Variants in CDH23 observed in about 807,000 individuals in gnomAD.
CDH23 encodes the protein cadherin-23.
Under a neutral mutation model 317.1 loss-of-function variants are expected in CDH23, and 189 were observed. The observed-to-expected ratio is 0.60, with a 90% CI of 0.53 to 0.67. The LOEUF (loss-of-function observed/expected upper bound fraction) is 0.67, where lower values mean the gene tolerates loss of function less well. Among genes scored for constraint, CDH23 ranks in the 30% least tolerant of loss-of-function variants. The pLI is 0.00. For missense variants in CDH23, 4,401 were observed against 4,592.4 expected (o/e 0.96, Z 1.20); for synonymous variants, 1,839 against 1,876.8 (o/e 0.98, Z 0.52).
intron 49 of CDH23, 30 bp downstream of exon 49, chr10:71,797,250 G>T (rs1373911118): frequency 1.0e-5 from 15 of 1,497,974 alleles, no homozygotes; most frequent in Non-Finnish European, 1.3e-5. Flanking sequence ...TCTCTCATTG[G>T]TCACTCAGAG....
At chr10:71,557,872 T>G (rs1856945802) in intron 6 of CDH23, among the ~76,000 whole-genome samples, 1 of 152,222 alleles carries the variant, frequency 6.6e-6, no homozygotes, top group Non-Finnish European at 1.5e-5. Context: ...TGCCTCAGTA[T>G]GAGTCTTTCT....
intron 6 of CDH23, among the ~76,000 whole-genome samples, chr10:71,516,135 G>T (rs1854321624): frequency 6.6e-6 from 1 of 152,214 alleles, no homozygotes; most frequent in South Asian, 2.1e-4. Flanking sequence ...GTGGCTAAGT[G>T]GGTGTGTGTC....
At chr10:71,533,794 G>C (rs920091123) in intron 6 of CDH23, among the ~76,000 whole-genome samples, 1 of 152,044 alleles carries the variant, frequency 6.6e-6, no homozygotes, top group Non-Finnish European at 1.5e-5. Context: ...GGTAGATGGG[G>C]TGGCAGAGCA....
intron 9 of CDH23, among the ~76,000 whole-genome samples, chr10:71,591,432 C>A (rs978511480): frequency 2.0e-5 from 3 of 152,088 alleles, no homozygotes; most frequent in Non-Finnish European, 4.4e-5. Context: ...CTCGTGTCCC[C>A]ACTGGACACA....
rs773223258 is a variant in CDH23, at chr10:71,751,772, T to C, written c.4845+9851T>C. 1.2e-5 allele frequency: 20 copies of C among 1,603,760 alleles called. No homozygotes were observed. Among genetic ancestry groups the C allele is most frequent in the East Asian group, 2.2e-5 (1 of 44,670 alleles). The stretch of plus-strand genomic sequence containing the variant: ...CTCAGAAGGCTGCCGCTGGGCCACA[T>C]AGGACAGGGGGTGCCTGACTTTGGC... On this transcript the variant is annotated intron_variant, in intron 38 of 69. Coordinates refer to ENST00000224721, the MANE Select transcript of CDH23 (RefSeq NM_022124.6). The surrounding 1 kb of genome is among the most constrained non-coding windows in gnomAD (Gnocchi z 4.9).
chr10:71,597,907 C>G (rs1859963414), intron 9 of CDH23, among the ~76,000 whole-genome samples: 1 of 152,218 alleles, frequency 6.6e-6, no homozygotes, highest in African/African-American at 2.4e-5. Flanking sequence ...CCGCCCCACC[C>G]CCACCCTCAA....
chr10:71,645,479 C>T (rs1481012269), intron 12 of CDH23, among the ~76,000 whole-genome samples: 3 of 152,218 alleles, frequency 2.0e-5, no homozygotes, highest in South Asian at 2.1e-4. Flanking sequence ...TCCTCTGTCT[C>T]CCCGCTGGGT....
At position 71,507,036 on chromosome 10, in the gene CDH23, GT is replaced by G. The variant is rs148873737; in HGVS notation, c.146-3044del. Among the ~76,000 whole-genome samples the G allele has an allele frequency of 6.7e-3, 1,019 of 152,324 alleles. 11 individuals carry two copies. The highest frequency in any genetic ancestry group is 0.019 in the African/African-American group (794 of 41,576). ...AGAGCCATTTGGGATATTGGGCCCAGTTGTGCAACCTTGGCTGGAAGGCCAG... is the reference window on the plus strand; with the variant it reads ...AGAGCCATTTGGGATATTGGGCCCAGTGTGCAACCTTGGCTGGAAGGCCAG... On this transcript the variant is annotated intron_variant, in intron 3 of 69. Transcript: ENST00000224721.
intron 6 of CDH23, among the ~76,000 whole-genome samples, chr10:71,538,055 G>A (rs1564639976): frequency 6.6e-6 from 1 of 152,088 alleles, no homozygotes; most frequent in Non-Finnish European, 1.5e-5. Context: ...TTTACAGATG[G>A]GAGTCACTGA....
At chr10:71,708,883 G>A (rs540222414) in intron 26 of CDH23, among the ~76,000 whole-genome samples, 24 of 152,326 alleles carry the variant, frequency 1.6e-4, no homozygotes, top group Non-Finnish European at 2.6e-4. Context: ...GAGGTGCTTC[G>A]TGAAGGTTAG....
intron 3 of CDH23, among the ~76,000 whole-genome samples, chr10:71,463,604 C>T (rs991191702): frequency 1.3e-5 from 2 of 152,184 alleles, no homozygotes; most frequent in African/African-American, 2.4e-5. Context: ...TTAGTATTCC[C>T]TTACCTGCCA....
At chr10:71,649,011 C>T (rs1416185048) in intron 14 of CDH23, among the ~76,000 whole-genome samples, 2 of 152,210 alleles carry the variant, frequency 1.3e-5, no homozygotes, top group African/African-American at 2.4e-5. Flanking sequence ...CCTTCATTTT[C>T]TCATCTGCAA....
At chr10:71,737,905 C>A (rs1487671820) in intron 34 of CDH23, 3 of 433,992 alleles carry the variant, frequency 6.9e-6, no homozygotes, top group Admixed American at 2.4e-5. Context: ...ATTCACATGC[C>A]TTCCCCATCT....
intron 1 of CDH23, among the ~76,000 whole-genome samples, chr10:71,404,619 C>G (rs184483213): frequency 6.6e-6 from 1 of 152,364 alleles, no homozygotes; most frequent in Non-Finnish European, 1.5e-5. Flanking sequence ...GCTGGCCAGT[C>G]AAGGGCAGAG....
chr10:71,504,530 G>T (rs1853525694), intron 3 of CDH23, among the ~76,000 whole-genome samples: 1 of 152,184 alleles, frequency 6.6e-6, no homozygotes, highest in Non-Finnish European at 1.5e-5. Context: ...CAGATGCACA[G>T]TGATTAAGTT....
At chr10:71,788,874 C>A in intron 44 of CDH23, 66 bp from the exon 45 acceptor site, 1 of 818,436 alleles carries the variant, frequency 1.2e-6, no homozygotes, top group Non-Finnish European at 2.2e-6. Context: ...CCCAACCCTC[C>A]TCCCACCTAG....
intron 18 of CDH23, among the ~76,000 whole-genome samples, chr10:71,684,465 G>C (rs1031520439): frequency 1.3e-5 from 2 of 152,192 alleles, no homozygotes; most frequent in African/African-American, 4.8e-5. Flanking sequence ...GGAAAGAGGG[G>C]TGTGGCTGTG....
intron 3 of CDH23, among the ~76,000 whole-genome samples, chr10:71,473,073 C>T (rs150448914): frequency 0.018 from 2,752 of 152,238 alleles, 39 homozygotes; most frequent in Non-Finnish European, 0.028. Flanking sequence ...GCCCATCTGC[C>T]GAGTCCTCTC....
chr10:71,470,241 A>G (rs1851444701), intron 3 of CDH23, among the ~76,000 whole-genome samples: 2 of 152,216 alleles, frequency 1.3e-5, no homozygotes. Context: ...TCTTGCCAGC[A>G]TGTGGCATGA....
Sources: allele counts gnomAD v4.1 joint callset (sites outside exome capture counted in the v4.1 genomes callset), GRCh38; gene constraint gnomAD v4.1.1; non-coding constraint Gnocchi (gnomAD v3.1); transcripts MANE v1.5; gene names NCBI Gene and HGNC (gene_info 2026-07-23, HGNC 2026-07-21).